The following NBPF10 variants were observed in gnomAD, a reference collection of about 807,000 sequenced individuals.
The protein encoded by NBPF10 is NBPF family member NBPF10.
NBPF10 carries 63 observed loss-of-function variants against 77.9 expected under a neutral mutation model. The ratio of observed to expected loss-of-function variants is 0.81; its 90% CI spans 0.66 to 1.00. NBPF10 has a LOEUF of 1.00. Ranked by LOEUF, NBPF10 falls within the 50% of genes least tolerant of loss-of-function variation. The probability of loss-of-function intolerance (pLI) is 0.00; values close to 1 mark genes in which losing one functional copy is unlikely to be tolerated. For synonymous variants in NBPF10, 146 were observed against 264.5 expected (o/e 0.55, Z 4.35); for missense variants, 522 against 679.8 (o/e 0.77, Z 2.58).
chr1:146,129,295 C>G (rs1287427069), intron 11 of NBPF10, among the ~76,000 whole-genome samples: 1 of 150,276 alleles, frequency 6.7e-6, no homozygotes, highest in Non-Finnish European at 1.5e-5. Context: ...TAGAGAAGAC[C>G]TTAAATGACC....
intron 88 of NBPF10, 149 bp from the exon 89 acceptor site, chr1:146,067,437 T>A (rs1341418150): frequency 2.7e-6 from 1 of 366,664 alleles, no homozygotes; most frequent in East Asian, 5.5e-5. Context: ...GCCTGAAGGC[T>A]GGTCATGATA....
chr1:146,091,580 GA>G, intron 58 of NBPF10, 61 bp downstream of exon 58: 1 of 53,014 alleles, frequency 1.9e-5, no homozygotes, highest in Non-Finnish European at 3.4e-5. Flanking sequence ...CTTGGAACAG[GA>G]ATATCACCCC....
rs587712750 is a variant in NBPF10, at chr1:146,125,631, A to C, written c.2027-115T>G. The C allele has an allele frequency of 1.5e-3, 780 of 521,414 alleles. 15 individuals are homozygous for C. The African/African-American group carries it at 0.015, about 10-fold the overall frequency. The allele number at this position is 521,414 out of a possible 1,614,324, so 32.3% of individuals were successfully genotyped here. A position where few individuals can be genotyped will look rare whatever the true frequency, so the allele number is the denominator to read the frequency against. The stretch of plus-strand genomic sequence containing the variant: ...AGGCTCCTCAGCATGAGAATAGGAC[A>C]CTGTGAGAGATATTCTTCAGGAGGC... On this transcript the variant is annotated intron_variant, in intron 14 of 89. Transcript: ENST00000583866.
At chr1:146,141,900 C>T (rs1553797502) in intron 2 of NBPF10, 82 bp from the exon 3 acceptor site, 51 of 1,166,678 alleles carry the variant, frequency 4.4e-5, no homozygotes, top group Non-Finnish European at 6.1e-5. Flanking sequence ...ACTTCTGAGA[C>T]AATGTCGTCA....
rs1553797662 is a variant in NBPF10 at position 146,142,216 on chromosome 1, C to T, written c.279-398G>A. 9.0e-5 allele frequency among the ~76,000 whole-genome samples: 10 copies of T among 111,378 alleles called. 1 individual carries two copies. In the South Asian group the frequency reaches 3.3e-3, roughly 37 times the overall value. The allele number at this position is 111,378 out of a possible 152,430, so 73.1% of individuals were successfully genotyped here. A position where few individuals can be genotyped will look rare whatever the true frequency, so the allele number is the denominator to read the frequency against. On this transcript the variant is annotated intron_variant, in intron 2 of 89. Coordinates refer to ENST00000583866, the Ensembl canonical transcript of NBPF10. ...GAAATGAGGCCAGGTGCAGATGGGGCGAATTGAAAAGATGAAAGAAGAAAA... is the reference window on the plus strand; with the variant it reads ...GAAATGAGGCCAGGTGCAGATGGGGTGAATTGAAAAGATGAAAGAAGAAAA...
At position 146,138,878 on chromosome 1, in the gene NBPF10, G is replaced by A. The variant is rs1164025988; in HGVS notation, c.779-433C>T. Among the ~76,000 whole-genome samples the A allele has an allele frequency of 7.1e-4, 102 of 144,226 alleles. No homozygotes were observed. The South Asian group carries it at 0.016, about 22-fold the overall frequency. The allele number at this position is 144,226 out of a possible 152,430, so 94.6% of individuals were successfully genotyped here. A position where few individuals can be genotyped will look rare whatever the true frequency, so the allele number is the denominator to read the frequency against. On this transcript the variant is annotated intron_variant, in intron 5 of 89. Transcript: ENST00000583866. ...CAGCTCACTGCCACCTCTGCCGCCC[G>A]GGTTCAAGCGATTCTCATCCCTCAG...
chr1:146,141,828 G>A lies in NBPF10; in HGVS notation c.279-10C>T, dbSNP rs1553797463. 7.6e-7 allele frequency: 1 copy of A among 1,323,234 alleles called. No individual in the cohort carries two copies. Among genetic ancestry groups the A allele is most frequent in the Non-Finnish European group, 1.1e-6 (1 of 950,458 alleles). The allele number at this position is 1,323,234 out of a possible 1,614,324, so 82.0% of individuals were successfully genotyped here. A position where few individuals can be genotyped will look rare whatever the true frequency, so the allele number is the denominator to read the frequency against. On this transcript the variant is annotated splice_polypyrimidine_tract_variant and intron_variant, in intron 2 of 89. Coordinates refer to ENST00000583866, the Ensembl canonical transcript of NBPF10. ...TAGGACTTTATATTGCCTAAGGTGA[G>A]ACGGTAGAGAAAATTTAAGAGTAGA...
intron 8 of NBPF10, 131 bp from the exon 9 acceptor site, chr1:146,134,396 T>C: frequency 1.5e-6 from 1 of 682,220 alleles, no homozygotes; most frequent in Non-Finnish European, 2.5e-6. Flanking sequence ...TCATGTTTTA[T>C]CTTTAACAGA....
chr1:146,126,025 G>T (rs1157739354), intron 14 of NBPF10, among the ~76,000 whole-genome samples: 1 of 151,724 alleles, frequency 6.6e-6, no homozygotes, highest in Non-Finnish European at 1.5e-5. Flanking sequence ...CCACAGGCAT[G>T]GCCTGAGACT....
At chr1:146,126,265 T>C (rs782324086) in exon 14 of NBPF10, 2 of 1,608,580 alleles carry the variant, frequency 1.2e-6, no homozygotes, top group South Asian at 2.2e-5. Context: ...GCCAACACGC[T>C]GTTGCTCCAA....
intron 19 of NBPF10, among the ~76,000 whole-genome samples, chr1:146,121,961 T>C (rs1353043925): frequency 7.7e-6 from 1 of 130,454 alleles, no homozygotes; most frequent in Non-Finnish European, 1.6e-5. Flanking sequence ...CACTCTGAGT[T>C]AGTGCCCTCA....
chr1:146,136,838 C>A (rs1432287387), intron 6 of NBPF10, among the ~76,000 whole-genome samples: 114 of 147,752 alleles, frequency 7.7e-4, no homozygotes, highest in African/African-American at 2.9e-3. Flanking sequence ...GTCGGGAAGG[C>A]CCCTAGGACT....
chr1:146,125,085 G>A (rs1437885545), intron 15 of NBPF10, among the ~76,000 whole-genome samples: 1 of 71,064 alleles, frequency 1.4e-5, no homozygotes, highest in South Asian at 4.7e-4. Context: ...AGAGAGAGGA[G>A]AAAGTGAGCT....
intron 89 of NBPF10, among the ~76,000 whole-genome samples, chr1:146,066,924 A>C (rs879948616): frequency 1.4e-5 from 2 of 146,372 alleles, no homozygotes; most frequent in Admixed American, 7.0e-5. Flanking sequence ...TTTCCATAAA[A>C]TATGCTCAAA....
intron 86 of NBPF10, 32 bp from the exon 87 acceptor site, chr1:146,068,855 T>G (rs201370166): frequency 1.7e-5 from 1 of 58,394 alleles, no homozygotes; most frequent in South Asian, 7.6e-5. Flanking sequence ...ACAGACATAT[T>G]AAGCTGGTTC....
chr1:146,130,595 A>C (rs373210142), intron 11 of NBPF10, among the ~76,000 whole-genome samples: 2 of 26,044 alleles, frequency 7.7e-5, no homozygotes, highest in Non-Finnish European at 1.5e-4. Context: ...ATTTTCAACC[A>C]AGAATTTCAT....
intron 86 of NBPF10, 112 bp downstream of exon 86, chr1:146,069,431 C>T: frequency 3.6e-6 from 2 of 549,732 alleles, no homozygotes; most frequent in South Asian, 1.7e-5. Context: ...GCCTATAGGT[C>T]CTCCCTGTGG....
chr1:146,067,904 T>A (rs1277132802), intron 88 of NBPF10, 99 bp downstream of exon 88: 1 of 704,620 alleles, frequency 1.4e-6, no homozygotes, highest in East Asian at 2.7e-5. Flanking sequence ...CCTGCGGCAA[T>A]GACGTCTCTC....
chr1:146,064,700 G>A (rs1654863997), downstream of NBPF10: 1 of 121,340 alleles, frequency 8.2e-6, no homozygotes, highest in African/African-American at 3.1e-5. Flanking sequence ...AATAAACATG[G>A]AAATGAAATG....
Sources: gnomAD v4.1 joint callset for allele counts (sites outside exome capture counted in the v4.1 genomes callset) on GRCh38, gnomAD v4.1.1 for gene constraint, MANE v1.5 for transcripts, NCBI Gene and HGNC (gene_info 2026-07-23, HGNC 2026-07-21) for gene names.